Variants in IQCB1 observed in about 807,000 individuals in gnomAD.
IQCB1 encodes the protein IQ motif containing B1.
IQCB1 carries 56 observed loss-of-function variants against 84.4 expected under a neutral mutation model. The ratio of observed to expected loss-of-function variants is 0.66; its 90% confidence interval spans 0.54 to 0.83. The LOEUF is 0.83. IQCB1 is among the 40% of genes least tolerant of loss of function. The pLI is 0.00. For synonymous variants in IQCB1, 210 were observed against 234.8 expected (o/e 0.89, Z 0.96); for missense variants, 629 against 682.1 (o/e 0.92, Z 0.87).
intron 5 of IQCB1, among the ~76,000 whole-genome samples, chr3:121,815,301 A>C (rs1196065558): frequency 6.6e-6 from 1 of 152,236 alleles, no homozygotes; most frequent in African/African-American, 2.4e-5. Flanking sequence ...CACAGCCAAC[A>C]TCACACTGAA....
intron 12 of IQCB1, among the ~76,000 whole-genome samples, chr3:121,786,585 CA>C (rs763068748): frequency 4.6e-5 from 7 of 152,000 alleles, no homozygotes; most frequent in Non-Finnish European, 7.4e-5. Context: ...TAATGAGATG[CA>C]AAGACTATAA....
chr3:121,791,519 A>G (rs1327980909), intron 10 of IQCB1, among the ~76,000 whole-genome samples: 2 of 152,174 alleles, frequency 1.3e-5, no homozygotes, highest in African/African-American at 4.8e-5. Flanking sequence ...AGACCTCAAA[A>G]GTGTATGTGT....
At chr3:121,781,297 G>A (rs1177807423) in intron 13 of IQCB1, among the ~76,000 whole-genome samples, 3 of 152,162 alleles carry the variant, frequency 2.0e-5, no homozygotes, top group Non-Finnish European at 2.9e-5. Flanking sequence ...GGTGCTAGCA[G>A]TATTATTGTG....
At chr3:121,818,640 G>A (rs751148470) in intron 5 of IQCB1, among the ~76,000 whole-genome samples, 4 of 152,114 alleles carry the variant, frequency 2.6e-5, no homozygotes, top group Non-Finnish European at 5.9e-5. Context: ...ACAAGCAAGA[G>A]ACTGATTGAT....
intron 12 of IQCB1, among the ~76,000 whole-genome samples, chr3:121,786,028 G>A (rs1475662647): frequency 6.7e-6 from 1 of 148,262 alleles, no homozygotes; most frequent in Non-Finnish European, 1.5e-5. Context: ...AAAATTAGCT[G>A]GGCCTGGTGG....
chr3:121,829,311 A>C (rs1950556274), intron 2 of IQCB1, among the ~76,000 whole-genome samples: 1 of 152,120 alleles, frequency 6.6e-6, no homozygotes, highest in Non-Finnish European at 1.5e-5. Context: ...TAATCACACA[A>C]GAAGAACTGC....
At chr3:121,817,044 G>A (rs1950089121) in intron 5 of IQCB1, among the ~76,000 whole-genome samples, 2 of 152,200 alleles carry the variant, frequency 1.3e-5, no homozygotes. Flanking sequence ...ACAAAGAAAT[G>A]TGGCACATAT....
At chr3:121,791,996 C>G (rs1257241242) in intron 10 of IQCB1, among the ~76,000 whole-genome samples, 1 of 152,062 alleles carries the variant, frequency 6.6e-6, no homozygotes, top group Non-Finnish European at 1.5e-5. Context: ...GAGGCTGAGG[C>G]AGGAGCTTGA....
chr3:121,826,731 C>A (rs1421253983), intron 4 of IQCB1, among the ~76,000 whole-genome samples: 1 of 152,140 alleles, frequency 6.6e-6, no homozygotes, highest in Non-Finnish European at 1.5e-5. Flanking sequence ...AGTAGGAACA[C>A]TTTACAATAT....
intron 7 of IQCB1, among the ~76,000 whole-genome samples, chr3:121,801,875 T>C (rs935644737): frequency 4.0e-5 from 6 of 151,130 alleles, no homozygotes; most frequent in Non-Finnish European, 7.4e-5. Context: ...AAAAGCTTTT[T>C]CTGTATCTAC....
chr3:121,783,713 T>C (rs555646314), intron 12 of IQCB1, among the ~76,000 whole-genome samples: 36 of 152,286 alleles, frequency 2.4e-4, no homozygotes, highest in African/African-American at 4.1e-4. Context: ...CTCTATACCT[T>C]GGGCATAGCT....
At chr3:121,793,430 C>T (rs545302251) in intron 10 of IQCB1, among the ~76,000 whole-genome samples, 3 of 152,102 alleles carry the variant, frequency 2.0e-5, no homozygotes, top group Admixed American at 6.5e-5. Flanking sequence ...TCTCCCAAAA[C>T]CATGGGAAGG....
chr3:121,810,340 T>C (rs1014473607), intron 5 of IQCB1, among the ~76,000 whole-genome samples: 2 of 152,132 alleles, frequency 1.3e-5, no homozygotes, highest in Non-Finnish European at 2.9e-5. Flanking sequence ...GACTAATAAA[T>C]TAATTCAAGT....
At chr3:121,817,223 A>G (rs1157485992) in intron 5 of IQCB1, among the ~76,000 whole-genome samples, 1 of 152,170 alleles carries the variant, frequency 6.6e-6, no homozygotes, top group African/African-American at 2.4e-5. Flanking sequence ...ACACATGGAC[A>G]CAGGGAGGGG....
intron 14 of IQCB1, 122 bp from the exon 15 acceptor site, chr3:121,770,696 CT>C (rs763248380): frequency 1.2e-6 from 1 of 810,798 alleles, no homozygotes; most frequent in Non-Finnish European, 2.1e-6. Context: ...GAATGTACTA[CT>C]TTTGAGAAAG....
At chr3:121,774,535 G>C (rs1215485428) in intron 13 of IQCB1, among the ~76,000 whole-genome samples, 1 of 152,166 alleles carries the variant, frequency 6.6e-6, no homozygotes, top group Non-Finnish European at 1.5e-5. Flanking sequence ...GAACCCAAGT[G>C]TTCCTTGGAT....
At chr3:121,796,545 T>G (rs1949200479) in intron 9 of IQCB1, among the ~76,000 whole-genome samples, 1 of 152,116 alleles carries the variant, frequency 6.6e-6, no homozygotes, top group South Asian at 2.1e-4. Flanking sequence ...CTCAAATTTC[T>G]AAATAATTTT....
At chr3:121,831,201 TCACTCC>T (rs1950625469) in intron 2 of IQCB1, among the ~76,000 whole-genome samples, 1 of 83,462 alleles carries the variant, frequency 1.2e-5, no homozygotes, top group African/African-American at 4.8e-5. Flanking sequence ...AGACAGGATC[TCACTCC>T]TGTTGCCCAG....
At chr3:121,813,633 A>G (rs995752044) in intron 5 of IQCB1, among the ~76,000 whole-genome samples, 10 of 152,248 alleles carry the variant, frequency 6.6e-5, no homozygotes, top group African/African-American at 2.2e-4. Context: ...CTAGTCTCTG[A>G]TAAGACAGAC....
Sources: allele counts gnomAD v4.1 joint callset (sites outside exome capture counted in the v4.1 genomes callset), GRCh38; gene constraint gnomAD v4.1.1; transcripts MANE v1.5; gene names NCBI Gene and HGNC (gene_info 2026-07-23, HGNC 2026-07-21).